CFAP45: variants seen among roughly 807,000 people sequenced by gnomAD.
CFAP45 encodes the protein cilia and flagella associated protein 45.
In CFAP45, 43 loss-of-function variants were observed where a neutral mutation model predicts 75.6. That is an observed-to-expected ratio of 0.57 (90% confidence interval 0.45 to 0.73). The LOEUF (loss-of-function observed/expected upper bound fraction) is 0.73. CFAP45 is among the 30% of genes least tolerant of loss of function. The probability of loss-of-function intolerance (pLI) is 0.00; values close to 1 mark genes in which losing one functional copy is unlikely to be tolerated. For synonymous variants in CFAP45, 223 were observed against 244.6 expected (o/e 0.91, Z 0.82); for missense variants, 689 against 701.5 (o/e 0.98, Z 0.20).
At chr1:159,893,851 A>C (rs1649885083) in intron 1 of CFAP45, among the ~76,000 whole-genome samples, 1 of 151,606 alleles carries the variant, frequency 6.6e-6, no homozygotes, top group South Asian at 2.1e-4. Context: ...GTTAACAATA[A>C]TGTATATTAC....
Position 159,893,304 on chromosome 1 carries a change from G to A in CFAP45, c.5C>T (p.Pro2Leu), listed in dbSNP as rs1390821097. 1 of 1,612,928 alleles carries A rather than the reference G, an allele frequency of 6.2e-7. No individual in the cohort carries two copies. The highest frequency in any genetic ancestry group is 1.1e-5 in the South Asian group (1 of 91,022). Residue 2 changes from proline to leucine, a missense_variant and splice_region_variant, in exon 2 of 12, where the codon CCA becomes CTA. Pro to Leu is a moderately conservative substitution (Grantham distance 98, BLOSUM62 -3). Transcript: ENST00000368099. M[P>L]LSTAGILSSS... ...GCTCAGGATGCCAGCTGTGCTTAGT[G>A]GCTGCAGGAAGAGGCAGAAAGTTTG...
At chr1:159,884,336 T>G (rs1330159819) in intron 7 of CFAP45, 100 bp downstream of exon 7, 15 of 1,259,970 alleles carry the variant, frequency 1.2e-5, no homozygotes, top group Non-Finnish European at 1.6e-5. Context: ...AATGAGCATG[T>G]GCCTGGCAGA....
At chr1:159,887,767 C>A in intron 5 of CFAP45, 74 bp downstream of exon 5, 8 of 1,045,218 alleles carry the variant, frequency 7.7e-6, no homozygotes, top group East Asian at 3.7e-5. Flanking sequence ...CTGGCCTTGT[C>A]CAGTGCGGGA....
At chr1:159,890,258 A>G (rs774158416) in intron 3 of CFAP45, among the ~76,000 whole-genome samples, 10 of 152,236 alleles carry the variant, frequency 6.6e-5, no homozygotes, top group Non-Finnish European at 8.8e-5. Flanking sequence ...GAAGCTGAGA[A>G]TAAAGGACAG....
At chr1:159,883,598 T>G (rs913839206) in intron 7 of CFAP45, among the ~76,000 whole-genome samples, 1 of 147,584 alleles carries the variant, frequency 6.8e-6, no homozygotes, top group Non-Finnish European at 1.5e-5. Context: ...TATCTGCAAC[T>G]TACTTTCAAA....
intron 1 of CFAP45, among the ~76,000 whole-genome samples, chr1:159,899,669 G>C (rs1413021727): frequency 2.0e-5 from 3 of 151,356 alleles, no homozygotes; most frequent in Non-Finnish European, 4.4e-5. Context: ...GGGTTTCACT[G>C]TGTTAGCCAG....
At chr1:159,900,018 C>T (rs760539516) in intron 1 of CFAP45, 78 bp downstream of exon 1, 1 of 1,564,902 alleles carries the variant, frequency 6.4e-7, no homozygotes, top group Admixed American at 1.7e-5. Flanking sequence ...CTGTGACCTC[C>T]CCTAGGCCCC....
chr1:159,885,143 T>C (rs1001958771), intron 6 of CFAP45, among the ~76,000 whole-genome samples: 4 of 152,082 alleles, frequency 2.6e-5, no homozygotes, highest in Admixed American at 2.0e-4. Flanking sequence ...TCAGATGGAG[T>C]GCTCGAATGG....
chr1:159,897,523 C>T (rs1045090072), intron 1 of CFAP45, among the ~76,000 whole-genome samples: 1 of 152,142 alleles, frequency 6.6e-6, no homozygotes, highest in Non-Finnish European at 1.5e-5. Context: ...GTGGAGGTTG[C>T]AGTGAGCTGA....
At position 159,879,382 on chromosome 1, in the gene CFAP45, C is replaced by G. The variant is rs572723798; in HGVS notation, c.1044+1172G>C. 2.0e-5 allele frequency among the ~76,000 whole-genome samples: 3 copies of G among 152,296 alleles called. No individual in the cohort carries two copies. The South Asian group carries it at 6.2e-4, about 32-fold the overall frequency. ...TGAGTTCCAATGGTACAGCATTATC[C>G]TAGGTATTTTCAGCCTAGTCTGACT... is the stretch of plus-strand genomic sequence containing the variant. On this transcript the variant is annotated intron_variant, in intron 8 of 11. Coordinates refer to ENST00000368099, the MANE Select transcript of CFAP45 (RefSeq NM_012337.3).
chr1:159,885,158 A>G lies in CFAP45; in HGVS notation c.768-593T>C, dbSNP rs139766050. Among the ~76,000 whole-genome samples the G allele has an allele frequency of 2.8e-4, 42 of 152,370 alleles. No individual in the cohort carries two copies. In the East Asian group the frequency reaches 6.9e-3, roughly 25 times the overall value. On this transcript the variant is annotated intron_variant, in intron 6 of 11. Coordinates refer to ENST00000368099, the MANE Select transcript of CFAP45 (RefSeq NM_012337.3). ...TCAGATGGAGTGCTCGAATGGCTTCATGACTCCAGATGAAGTAAACAGGAG... is the reference window on the plus strand; with the variant it reads ...TCAGATGGAGTGCTCGAATGGCTTCGTGACTCCAGATGAAGTAAACAGGAG...
At chr1:159,886,444 A>T in intron 6 of CFAP45, 67 bp downstream of exon 6, 1 of 1,341,068 alleles carries the variant, frequency 7.5e-7, no homozygotes, top group Non-Finnish European at 1.1e-6. Flanking sequence ...CCTCTTTGCT[A>T]GGCTACATGG....
At chr1:159,881,917 C>T (rs1649559864) in intron 7 of CFAP45, among the ~76,000 whole-genome samples, 3 of 152,230 alleles carry the variant, frequency 2.0e-5, no homozygotes, top group Admixed American at 2.0e-4. Context: ...CTGTTTCCAG[C>T]TCCCTCCATT....
At chr1:159,878,841 G>A (rs1649478088) in intron 8 of CFAP45, among the ~76,000 whole-genome samples, 1 of 141,148 alleles carries the variant, frequency 7.1e-6, no homozygotes, top group South Asian at 2.3e-4. Flanking sequence ...AGTTGTCCCT[G>A]TAAGTTGTAC....
At position 159,895,374 on chromosome 1, in the gene CFAP45, AATATACC is replaced by A. The variant is rs1649930108; in HGVS notation, c.4-2076_4-2070del. 2.6e-5 allele frequency among the ~76,000 whole-genome samples: 4 copies of A among 152,286 alleles called. No homozygotes were observed. In the South Asian group the frequency reaches 8.3e-4, roughly 32 times the overall value. ...GATAAAGGAACAGGGTAGACAGGGA[AATATACC>A]ATGCTTTCCAGGTCCCTAAGCCCTG... On this transcript the variant is annotated intron_variant, in intron 1 of 11. Transcript: ENST00000368099.
At chr1:159,892,946 TA>T (rs1323189849) in intron 2 of CFAP45, among the ~76,000 whole-genome samples, 1 of 152,204 alleles carries the variant, frequency 6.6e-6, no homozygotes, top group African/African-American at 2.4e-5. Context: ...TAACAGATTT[TA>T]AACACTGTGA....
At chr1:159,888,272 G>T in intron 4 of CFAP45, 80 bp downstream of exon 4, 1 of 1,423,732 alleles carries the variant, frequency 7.0e-7, no homozygotes, top group Non-Finnish European at 9.7e-7. Flanking sequence ...CTCATTTCAG[G>T]GTCCCCTGAT....
At chr1:159,891,424 C>T (rs1049134528) in intron 2 of CFAP45, among the ~76,000 whole-genome samples, 6 of 152,094 alleles carry the variant, frequency 3.9e-5, no homozygotes, top group African/African-American at 1.4e-4. Context: ...AGAGGCCTAC[C>T]CTTAAGATCT....
intron 6 of CFAP45, among the ~76,000 whole-genome samples, chr1:159,884,879 T>C (rs1649639729): frequency 6.6e-6 from 1 of 152,190 alleles, no homozygotes; most frequent in African/African-American, 2.4e-5. Flanking sequence ...TATAAAGAGT[T>C]TCTGAAATCC....
Sources: gnomAD v4.1 joint callset for allele counts (sites outside exome capture counted in the v4.1 genomes callset) on GRCh38, gnomAD v4.1.1 for gene constraint, MANE v1.5 for transcripts, NCBI Gene and HGNC (gene_info 2026-07-23, HGNC 2026-07-21) for gene names.